The following CNTLN variants were observed in gnomAD, a reference collection of about 807,000 sequenced individuals.
CNTLN encodes the protein centlein, centrosomal protein.
A neutral mutation model predicts 180.0 loss-of-function variants in CNTLN; 212 were observed. The ratio of observed to expected loss-of-function variants is 1.18; its 90% CI spans 1.05 to 1.32. CNTLN has a LOEUF of 1.32. Ranked by LOEUF, CNTLN falls within the 40% of genes most tolerant of loss-of-function variation. The pLI is 0.00. For synonymous variants in CNTLN, 722 were observed against 563.1 expected (o/e 1.28, Z -3.99); for missense variants, 2,095 against 1,610.9 (o/e 1.30, Z -5.14).
chr9:17,285,259 G>T (rs1828912899), intron 6 of CNTLN, among the ~76,000 whole-genome samples: 1 of 148,562 alleles, frequency 6.7e-6, no homozygotes, highest in Non-Finnish European at 1.5e-5. Flanking sequence ...GCCGTGTTTG[G>T]TTTTTTGTTC....
intron 5 of CNTLN, among the ~76,000 whole-genome samples, chr9:17,256,455 T>C (rs1192526242): frequency 1.3e-5 from 2 of 152,040 alleles, no homozygotes; most frequent in African/African-American, 4.8e-5. Context: ...AAAGCCATTA[T>C]GATTGGTGTG....
rs138477047 is a variant in CNTLN at position 17,270,894 on chromosome 9, G to A, written c.850-2839G>A. Among the ~76,000 whole-genome samples, 756 of 147,452 alleles carry A rather than the reference G, an allele frequency of 5.1e-3. 4 individuals are homozygous for A. Among genetic ancestry groups the A allele is most frequent in the African/African-American group, 0.018 (703 of 40,072 alleles). ...AAGATATAGTGGGAAACAATGAAAA[G>A]TTTTACCTTAATTTTGTATTAATAT... On this transcript the variant is annotated intron_variant, in intron 5 of 25. Transcript: ENST00000380647.
chr9:17,298,493 A>G, intron 7 of CNTLN, 141 bp downstream of exon 7: 1 of 1,341,582 alleles, frequency 7.5e-7, no homozygotes, highest in Non-Finnish European at 9.6e-7. Flanking sequence ...GAAGTGAAGG[A>G]TGGTTCAATT....
chr9:17,295,870 G>GA (rs1791699188), intron 6 of CNTLN, among the ~76,000 whole-genome samples: 1 of 152,000 alleles, frequency 6.6e-6, no homozygotes, highest in South Asian at 2.1e-4. Flanking sequence ...AGCATGCCCA[G>GA]AAAATACCAT....
chr9:17,366,815 T>A, intron 13 of CNTLN, 98 bp downstream of exon 13: 1 of 704,644 alleles, frequency 1.4e-6, no homozygotes. Flanking sequence ...TTACCCTTTT[T>A]GTTTCTTTTC....
At chr9:17,262,636 A>G (rs1827083275) in intron 5 of CNTLN, among the ~76,000 whole-genome samples, 2 of 151,450 alleles carry the variant, frequency 1.3e-5, no homozygotes, top group African/African-American at 2.5e-5. Context: ...TTTCGGGGTT[A>G]ACACCTAGTT....
intron 5 of CNTLN, among the ~76,000 whole-genome samples, chr9:17,267,837 A>G (rs1413704973): frequency 3.9e-5 from 6 of 152,198 alleles, no homozygotes; most frequent in Middle Eastern, 6.8e-3. Context: ...GCATCGGCTA[A>G]TGAGGCTTCT....
At chr9:17,486,698 A>C (rs1009102431) in intron 24 of CNTLN, among the ~76,000 whole-genome samples, 1 of 152,024 alleles carries the variant, frequency 6.6e-6, no homozygotes, top group African/African-American at 2.4e-5. Context: ...TTTTCACTTT[A>C]ATTGCTTTCA....
intron 2 of CNTLN, among the ~76,000 whole-genome samples, chr9:17,177,910 A>G (rs1231676938): frequency 1.3e-5 from 2 of 152,234 alleles, no homozygotes; most frequent in African/African-American, 4.8e-5. Context: ...ATCTGGCCCC[A>G]CCCACATCCT....
chr9:17,318,177 A>G lies in CNTLN; in HGVS notation c.1341+8925A>G, dbSNP rs753666409. ...TGAGTAGCTGGGACTACAGGCGCCC[A>G]CCACCACGCCCGGCTAATTTTTTTT... On this transcript the variant is annotated intron_variant, in intron 8 of 25. Coordinates refer to ENST00000380647, the MANE Select transcript of CNTLN (RefSeq NM_017738.4). Among the ~76,000 whole-genome samples, 4 of 151,594 alleles carry G rather than the reference A, an allele frequency of 2.6e-5. No homozygotes were observed. The South Asian group carries it at 8.3e-4, about 32-fold the overall frequency.
intron 19 of CNTLN, 77 bp from the exon 20 acceptor site, chr9:17,462,839 A>G: frequency 1.8e-6 from 1 of 541,284 alleles, no homozygotes; most frequent in East Asian, 3.4e-5. Flanking sequence ...ATTCTTCTTT[A>G]GAATGGCACT....
chr9:17,194,738 C>T (rs1050126546), intron 2 of CNTLN, among the ~76,000 whole-genome samples: 1 of 152,134 alleles, frequency 6.6e-6, no homozygotes, highest in African/African-American at 2.4e-5. Context: ...AGCAACCCCC[C>T]ACTCTACTGG....
rs201267902 is a variant in CNTLN at position 17,250,526 on chromosome 9, C to CT, written c.849+13940dup. ...ATATGTTATTGATAATTTCTTTGTG[C>CT]TTACCATGTAGATTGCACATATCTT... On this transcript the variant is annotated intron_variant, in intron 5 of 25. Coordinates refer to ENST00000380647, the MANE Select transcript of CNTLN (RefSeq NM_017738.4). Among the ~76,000 whole-genome samples the CT allele has an allele frequency of 6.2e-3, 940 of 151,922 alleles. 17 individuals are homozygous for CT. The highest frequency in any genetic ancestry group is 0.022 in the African/African-American group (893 of 41,496).
chr9:17,522,868 G>C, the CNTLN span, among the ~76,000 whole-genome samples: 63 of 151,684 alleles, frequency 4.2e-4, no homozygotes, highest in African/African-American at 1.3e-3. Flanking sequence ...AAATTCTCTT[G>C]ATTCCTGTCT....
At chr9:17,282,837 A>G (rs1026896224) in intron 6 of CNTLN, among the ~76,000 whole-genome samples, 1 of 152,170 alleles carries the variant, frequency 6.6e-6, no homozygotes, top group Non-Finnish European at 1.5e-5. Flanking sequence ...GCATTTATTA[A>G]ATAGAGAATC....
chr9:17,240,710 T>C (rs1035028944), intron 5 of CNTLN, among the ~76,000 whole-genome samples: 5 of 152,182 alleles, frequency 3.3e-5, no homozygotes, highest in Admixed American at 6.5e-5. Context: ...GTTCACTTTA[T>C]TGATTGCCCT....
intron 2 of CNTLN, among the ~76,000 whole-genome samples, chr9:17,216,587 A>G (rs146469015): frequency 0.02 from 3,119 of 152,276 alleles, 62 homozygotes; most frequent in African/African-American, 0.055. Flanking sequence ...ATAGTAAAGG[A>G]GAGATTGTCT....
chr9:17,301,026 G>A, intron 7 of CNTLN: 2 of 985,072 alleles, frequency 2.0e-6, no homozygotes, highest in Non-Finnish European at 1.2e-6. Flanking sequence ...TAGTAGTAGA[G>A]GGAAATATGG....
chr9:17,309,043 TA>T lies in CNTLN; in HGVS notation c.1147-14del, dbSNP rs1818942554. 2 of 1,523,626 alleles carry T rather than the reference TA, an allele frequency of 1.3e-6. No homozygotes were observed. The highest frequency in any genetic ancestry group is 1.8e-6 in the Non-Finnish European group (2 of 1,132,160). 94.4% of individuals were successfully genotyped at this position (1,523,626 alleles called of 1,614,324 possible). A position where few individuals can be genotyped will look rare whatever the true frequency, so the allele number is the denominator to read the frequency against. On this transcript the variant is annotated splice_polypyrimidine_tract_variant and intron_variant, in intron 7 of 25. Transcript: ENST00000380647. Reference sequence around the variant, plus strand: ...ATTGATTATTAATATAATTTGGATATATTTTTTGAAACAGCTTTACAATGAG... The same window carrying T: ...ATTGATTATTAATATAATTTGGATATTTTTTTGAAACAGCTTTACAATGAG...
Sources: allele counts gnomAD v4.1 joint callset (sites outside exome capture counted in the v4.1 genomes callset), GRCh38; gene constraint gnomAD v4.1.1; transcripts MANE v1.5; gene names NCBI Gene and HGNC (gene_info 2026-07-23, HGNC 2026-07-21).